Variants in FAM13B observed in about 807,000 individuals in gnomAD.
FAM13B encodes the protein family with sequence similarity 13 member B.
FAM13B carries 60 observed loss-of-function variants against 117.3 expected under a neutral mutation model. The observed-to-expected ratio is 0.51, with a 90% CI of 0.42 to 0.63. The LOEUF (loss-of-function observed/expected upper bound fraction) is 0.63. FAM13B is among the 30% of genes least tolerant of loss of function. FAM13B has a pLI of 0.00. For missense variants in FAM13B, 972 were observed against 1,091.9 expected, an observed-to-expected ratio of 0.89 and a Z score of 1.55; for synonymous variants, 332 against 356.1, an observed-to-expected ratio of 0.93 and a Z score of 0.76.
chr5:138,026,757 T>A (rs112811718), intron 1 of FAM13B, among the ~76,000 whole-genome samples: 5,757 of 148,562 alleles, frequency 0.039, 135 homozygotes, highest in Middle Eastern at 0.061. Context: ...CTGGCCAACA[T>A]GGTAAAACCC....
intron 6 of FAM13B, among the ~76,000 whole-genome samples, chr5:138,008,195 T>C (rs979902198): frequency 1.3e-5 from 2 of 152,092 alleles, no homozygotes; most frequent in Admixed American, 6.5e-5. Flanking sequence ...ATCCCAGCAC[T>C]TTTGAGAGGC....
intron 2 of FAM13B, among the ~76,000 whole-genome samples, chr5:138,020,154 G>C (rs1365613869): frequency 2.0e-5 from 3 of 150,700 alleles, no homozygotes; most frequent in Non-Finnish European, 4.4e-5. Context: ...TTCACCGCCT[G>C]GGTTCAGGCG....
At chr5:137,941,171 G>T (rs1321965430) in intron 23 of FAM13B, among the ~76,000 whole-genome samples, 1 of 152,082 alleles carries the variant, frequency 6.6e-6, no homozygotes, top group Non-Finnish European at 1.5e-5. Flanking sequence ...GCCTCCCAAA[G>T]TGCTGGTATT....
intron 13 of FAM13B, 61 bp from the exon 14 acceptor site, chr5:137,956,603 A>C: frequency 8.0e-7 from 1 of 1,243,368 alleles, no homozygotes. Context: ...AGTCAGAACA[A>C]ACCATACACA....
rs1263166269 is a variant in FAM13B, at chr5:137,992,216, A to G, written c.849-3901T>C. ...TGTGAGCCATCGTGCTCAGCCAGGA[A>G]CCATTTTTTATATAATAAAAAATAA... On this transcript the variant is annotated intron_variant, in intron 7 of 23. Transcript: ENST00000689681. Among the ~76,000 whole-genome samples, 7 of 151,804 alleles carry G rather than the reference A, an allele frequency of 4.6e-5. No homozygotes were observed. In the East Asian group the frequency reaches 9.6e-4, roughly 21 times the overall value.
rs566965499 is a variant in FAM13B at position 137,988,413 on chromosome 5, C to A, written c.849-98G>T. ...CATATTTGCACTACCTTGACACAACCAGGAGAGCACATACTAAGTGTTGTA... is the reference window on the plus strand; with the variant it reads ...CATATTTGCACTACCTTGACACAACAAGGAGAGCACATACTAAGTGTTGTA... On this transcript the variant is annotated intron_variant, in intron 7 of 23. Transcript: ENST00000689681. 3 of 815,360 alleles carry A rather than the reference C, an allele frequency of 3.7e-6. No homozygotes were observed. The East Asian group carries it at 8.8e-5, about 24-fold the overall frequency. The allele number at this position is 815,360 out of a possible 1,614,324, so 50.5% of individuals were successfully genotyped here.
intron 10 of FAM13B, among the ~76,000 whole-genome samples, chr5:137,966,488 T>G (rs7716799): frequency 0.24 from 6,852 of 28,970 alleles, 1,009 homozygotes; most frequent in East Asian, 0.28. Flanking sequence ...TATATATATA[T>G]AGAGAGAGAG....
At chr5:138,033,415 T>A (rs1790721700), upstream of FAM13B, among the ~76,000 whole-genome samples, 2 of 152,170 alleles carry the variant, frequency 1.3e-5, no homozygotes, top group Non-Finnish European at 2.9e-5. Context: ...AGGGCGCCCA[T>A]ATCCAGGTGA....
chr5:137,943,236 A>G lies in FAM13B; in HGVS notation c.2341-20T>C. On this transcript the variant is annotated intron_variant, in intron 20 of 23. Transcript: ENST00000689681. ...AGATCCCTATAACAATCAATAATAT[A>G]AATAGTTTTACATTTTAAGTATTCA... 1 of 1,588,742 alleles carries G rather than the reference A, an allele frequency of 6.3e-7. No individual in the cohort carries two copies. The highest frequency in any genetic ancestry group is 8.6e-7 in the Non-Finnish European group (1 of 1,159,708).
At chr5:138,025,697 T>C (rs1788181829) in intron 1 of FAM13B, among the ~76,000 whole-genome samples, 1 of 152,070 alleles carries the variant, frequency 6.6e-6, no homozygotes, top group South Asian at 2.1e-4. Context: ...GAAATATCCA[T>C]ACAATCCAAA....
At chr5:137,961,715 CTTCATTACTGAAGTGTT>C (rs1768178173) in intron 11 of FAM13B, among the ~76,000 whole-genome samples, 1 of 152,228 alleles carries the variant, frequency 6.6e-6, no homozygotes, top group Non-Finnish European at 1.5e-5. Flanking sequence ...TAGCCTGCAA[CTTCATTACTGAAGTGTT>C]TTCAGAATCT....
At chr5:138,041,897 A>G (rs2151127715) in intron 1 of FAM13B, among the ~76,000 whole-genome samples, 1 of 152,158 alleles carries the variant, frequency 6.6e-6, no homozygotes, top group South Asian at 2.1e-4. Context: ...TGTCTCAAAA[A>G]AAAAAAAAAT....
chr5:137,946,355 A>C (rs34065663), intron 18 of FAM13B, 44 bp from the exon 19 acceptor site: 156 of 1,324,556 alleles, frequency 1.2e-4, no homozygotes, highest in East Asian at 7.8e-4. Context: ...AAAAAAAAAA[A>C]CAAAAACAAA....
intron 10 of FAM13B, among the ~76,000 whole-genome samples, chr5:137,974,510 G>A (rs1037113477): frequency 6.8e-6 from 1 of 147,498 alleles, no homozygotes; most frequent in African/African-American, 2.5e-5. Flanking sequence ...CCTAATGCTA[G>A]ATGACGAGTT....
intron 22 of FAM13B, 36 bp from the exon 23 acceptor site, chr5:137,942,081 T>C (rs1421699498): frequency 6.6e-7 from 1 of 1,515,648 alleles, no homozygotes; most frequent in Non-Finnish European, 9.1e-7. Context: ...AAGGGCACAC[T>C]TGATTCATTA....
At chr5:137,996,484 C>T (rs557695103) in intron 7 of FAM13B, among the ~76,000 whole-genome samples, 7 of 152,238 alleles carry the variant, frequency 4.6e-5, no homozygotes, top group South Asian at 2.1e-4. Flanking sequence ...TCCTAAATCA[C>T]TTACACCTTC....
At chr5:137,997,205 C>T (rs1780077186) in intron 7 of FAM13B, among the ~76,000 whole-genome samples, 1 of 152,170 alleles carries the variant, frequency 6.6e-6, no homozygotes, top group Non-Finnish European at 1.5e-5. Context: ...TGCCGTGGCT[C>T]ACACCCGTAA....
chr5:137,952,028 A>G (rs1765179957), intron 17 of FAM13B, among the ~76,000 whole-genome samples: 1 of 152,184 alleles, frequency 6.6e-6, no homozygotes, highest in African/African-American at 2.4e-5. Flanking sequence ...GTAAATTTAA[A>G]CCAAAGTGAT....
chr5:138,021,329 A>G (rs879384910), intron 1 of FAM13B, 132 bp from the exon 2 acceptor site: 3 of 715,182 alleles, frequency 4.2e-6, no homozygotes. Flanking sequence ...TGAAAAATCT[A>G]TCTGTAACCT....
Sources: gnomAD v4.1 joint callset for allele counts (sites outside exome capture counted in the v4.1 genomes callset) on GRCh38, gnomAD v4.1.1 for gene constraint, MANE v1.5 for transcripts, NCBI Gene and HGNC (gene_info 2026-07-23, HGNC 2026-07-21) for gene names.